Variants in SLF2 observed in about 807,000 individuals in gnomAD.
The protein encoded by SLF2 is SMC5/6 complex localization factor 2.
In SLF2, 68 loss-of-function variants were observed where a neutral mutation model predicts 124.3. That is an observed-to-expected ratio of 0.55 (90% CI 0.45 to 0.67). SLF2 has a LOEUF of 0.67. Ranked by LOEUF, SLF2 falls within the 30% of genes least tolerant of loss-of-function variation. The pLI is 0.00. For missense variants in SLF2, 1,246 were observed against 1,373.7 expected, an observed-to-expected ratio of 0.91 and a Z score of 1.47; for synonymous variants, 480 against 478.8, an observed-to-expected ratio of 1.00 and a Z score of -0.03.
rs1349406734 is a variant in SLF2, at chr10:100,945,455, T to G, written c.2883T>G (p.Phe961Leu). The part of the protein sequence containing the change: ...KQLKQIPLVD[F>L]QSLLINLMKN... ...TGAAACAGATTCCTTTAGTAGACTT[T>G]CAAAGCCTCCTGATAAACCTGATGA... Residue 961 changes from phenylalanine (F) to leucine (L), a missense_variant, in exon 13 of 20, where the codon TTT becomes TTG. Coordinates refer to ENST00000238961, the MANE Select transcript of SLF2 (RefSeq NM_018121.4). 6.3e-7 allele frequency: 1 copy of G among 1,590,988 alleles called. No homozygotes were observed. Among genetic ancestry groups the G allele is most frequent in the Non-Finnish European group, 8.5e-7 (1 of 1,174,962 alleles).
intron 16 of SLF2, 50 bp from the exon 17 acceptor site, chr10:100,950,626 A>G (rs1323682788): frequency 3.4e-6 from 5 of 1,483,364 alleles, no homozygotes; most frequent in Non-Finnish European, 3.8e-6. Context: ...TTGGAATGAC[A>G]TCTATGCTAG....
Position 100,916,769 on chromosome 10 carries a change from A to C in SLF2, c.384A>C (p.Ile128=). 1 of 1,612,882 alleles carries C rather than the reference A, an allele frequency of 6.2e-7. No individual in the cohort carries two copies. Residue 128 remains isoleucine, a synonymous_variant, in exon 3 of 20, where the codon ATA becomes ATC. Transcript: ENST00000238961. The part of the protein sequence containing the change: ...GVKEHHEDHG[I]HESRRPCLSL... ...AAGAGCACCATGAAGATCATGGTAT[A>C]CATGAGTCACGTCGGCCTTGTCTGT...
At position 100,918,414 on chromosome 10, in the gene SLF2, T is replaced by G. The variant is rs1849462298; in HGVS notation, c.946T>G (p.Ser316Ala). The G allele has an allele frequency of 6.3e-7, 1 of 1,595,170 alleles. No homozygotes were observed. The highest frequency in any genetic ancestry group is 1.1e-5 in the South Asian group (1 of 87,474). ...ENGHLSRKRS[S>A]SDSWEPTSAG... ...TGGACATCTCTCAAGAAAAAGATCC[T>G]CTTCTGATTCATGGGAACCTACTTC... is the stretch of plus-strand genomic sequence containing the variant. Residue 316 changes from serine to alanine, a missense_variant, in exon 4 of 20, where the codon TCT (serine) becomes GCT (alanine). By Grantham distance (99) the Ser-to-Ala change is moderately conservative (BLOSUM62 1). This residue lies in a region of SLF2 where 698 missense variants were observed against 708.9 expected (regional missense o/e 0.98). Coordinates refer to ENST00000238961, the MANE Select transcript of SLF2 (RefSeq NM_018121.4).
At chr10:100,957,835 T>C (rs1234222048) in intron 18 of SLF2, among the ~76,000 whole-genome samples, 1 of 152,162 alleles carries the variant, frequency 6.6e-6, no homozygotes, top group Admixed American at 6.5e-5. Context: ...AATAGAATGA[T>C]TTGACAGTTT....
chr10:100,960,918 C>G (rs1340839993), intron 19 of SLF2, among the ~76,000 whole-genome samples: 6 of 143,318 alleles, frequency 4.2e-5, no homozygotes, highest in African/African-American at 1.5e-4. Flanking sequence ...TTTTAATGTA[C>G]ATAGGAATCA....
chr10:100,924,966 C>CTA lies in SLF2; in HGVS notation c.1968_1969dup (p.Thr657IlefsTer14). 6.2e-7 allele frequency: 1 copy of CTA among 1,610,754 alleles called. No individual in the cohort carries two copies. Among genetic ancestry groups the CTA allele is most frequent in the Non-Finnish European group, 8.5e-7 (1 of 1,178,880 alleles). ...AGGGGCTTAGATCTCAGTCATCAGA[C>CTA]TATACAGTAAGTAGTTCTGTGACGT... On this transcript the variant is annotated frameshift_variant, in exon 5 of 20. Coordinates refer to ENST00000238961, the MANE Select transcript of SLF2 (RefSeq NM_018121.4). LOFTEE classifies it high-confidence loss of function.
chr10:100,959,595 C>A, intron 19 of SLF2, 99 bp downstream of exon 19: 1 of 1,443,136 alleles, frequency 6.9e-7, no homozygotes, highest in Non-Finnish European at 9.2e-7. Flanking sequence ...AGTGCACTTG[C>A]TTCTAGTTAT....
chr10:100,931,394 A>G (rs1304805235), intron 9 of SLF2, among the ~76,000 whole-genome samples: 1 of 151,952 alleles, frequency 6.6e-6, no homozygotes, highest in African/African-American at 2.4e-5. Context: ...ACCTTTTTTC[A>G]TGTTTATGGT....
intron 11 of SLF2, among the ~76,000 whole-genome samples, chr10:100,939,458 A>G (rs1207127626): frequency 6.6e-6 from 1 of 152,124 alleles, no homozygotes; most frequent in African/African-American, 2.4e-5. Context: ...CGGGCGGATC[A>G]CTTGAGGTCA....
chr10:100,916,441 G>C, intron 2 of SLF2, 129 bp from the exon 3 acceptor site: 1 of 661,894 alleles, frequency 1.5e-6, no homozygotes, highest in Non-Finnish European at 2.1e-6. Context: ...CATTATCCAA[G>C]TTGTTGGTTT....
chr10:100,919,211 C>T (rs1169923347), intron 4 of SLF2, among the ~76,000 whole-genome samples: 1 of 151,878 alleles, frequency 6.6e-6, no homozygotes, highest in Non-Finnish European at 1.5e-5. Flanking sequence ...CGGGGTTTCA[C>T]CACGTTAGCC....
At chr10:100,937,260 C>G in intron 9 of SLF2, 142 bp from the exon 10 acceptor site, 2 of 710,060 alleles carry the variant, frequency 2.8e-6, no homozygotes, top group Admixed American at 4.2e-5. Flanking sequence ...ATCCGCCCGC[C>G]TTAGCCTCAC....
At chr10:100,929,801 G>C (rs574199965) in intron 7 of SLF2, 29 bp from the exon 8 acceptor site, 189 of 1,511,300 alleles carry the variant, frequency 1.3e-4, no homozygotes, top group Non-Finnish European at 1.7e-4. Context: ...GTAACAATTT[G>C]GTATTGATTG....
At chr10:100,941,835 C>T (rs532749004) in intron 11 of SLF2, among the ~76,000 whole-genome samples, 3 of 151,982 alleles carry the variant, frequency 2.0e-5, no homozygotes, top group African/African-American at 7.3e-5. Context: ...AAGGTCAGCA[C>T]GGAGAGGTTA....
Position 100,945,364 on chromosome 10 carries a change from G to A in SLF2, c.2792G>A (p.Gly931Asp). 1 of 1,600,194 alleles carries A rather than the reference G, an allele frequency of 6.2e-7. No individual in the cohort carries two copies. ...TTGTGTACATCTATACATCCAGAAG[G>A]TTACCAGGATCGTGAAATAATGTTG... ...LGLCTSIHPE[G>D]YQDREIMLLI... The change falls in exon 13 of 20, where the codon GGT becomes GAT. Residue 931 changes from glycine (G) to aspartate (D), a missense_variant. Coordinates refer to ENST00000238961, the MANE Select transcript of SLF2 (RefSeq NM_018121.4).
At chr10:100,957,330 A>ATTTTTTTTTTTTTTTTTTTTTTT (rs71013477) in intron 18 of SLF2, among the ~76,000 whole-genome samples, 1 of 91,830 alleles carries the variant, frequency 1.1e-5, no homozygotes, top group Non-Finnish European at 1.9e-5. Context: ...GGAGTCTTCA[A>ATTTTTTTTTTTTTTTTTTTTTTT]TTTTTTTTTT....
chr10:100,959,719 T>A, intron 19 of SLF2: 1 of 710,524 alleles, frequency 1.4e-6, no homozygotes, highest in Non-Finnish European at 2.0e-6. Context: ...TTTAAAAATA[T>A]TGCATTGCAT....
At chr10:100,915,544 ATTGAG>A in intron 1 of SLF2, among the ~76,000 whole-genome samples, 1 of 152,116 alleles carries the variant, frequency 6.6e-6, no homozygotes, top group East Asian at 1.9e-4. Context: ...GCATACATCT[ATTGAG>A]TTTTTTTTTA....
chr10:100,951,587 T>C (rs1210249059), intron 17 of SLF2, among the ~76,000 whole-genome samples: 2 of 152,176 alleles, frequency 1.3e-5, no homozygotes, highest in South Asian at 2.1e-4. Flanking sequence ...ATGTCCTTCA[T>C]AGGTAAGGAG....
Sources: allele counts gnomAD v4.1 joint callset (sites outside exome capture counted in the v4.1 genomes callset), GRCh38; gene constraint gnomAD v4.1.1; regional missense constraint gnomAD v4.1.1; transcripts MANE v1.5; gene names NCBI Gene and HGNC (gene_info 2026-07-23, HGNC 2026-07-21).